PRKCD: variants seen among roughly 807,000 people sequenced by gnomAD.
PRKCD encodes protein kinase C delta type.
A neutral mutation model predicts 82.2 loss-of-function variants in PRKCD; 20 were observed. The ratio of observed to expected loss-of-function variants is 0.24; its 90% CI spans 0.17 to 0.35. The LOEUF is 0.35. PRKCD is among the 10% of genes least tolerant of loss of function. The pLI is 1.00. For missense variants in PRKCD, 607 were observed against 899.0 expected (o/e 0.68, Z 4.15); for synonymous variants, 317 against 337.0 (o/e 0.94, Z 0.65).
intron 1 of PRKCD, among the ~76,000 whole-genome samples, chr3:53,162,622 T>C (rs1702709110): frequency 6.6e-6 from 1 of 152,174 alleles, no homozygotes; most frequent in Non-Finnish European, 1.5e-5. Context: ...TATGTCTGTT[T>C]GTGTCCTGAG....
intron 15 of PRKCD, among the ~76,000 whole-genome samples, chr3:53,187,848 AC>A (rs782117316): frequency 4.6e-5 from 7 of 152,152 alleles, no homozygotes; most frequent in Non-Finnish European, 7.3e-5. Flanking sequence ...TGGAAAAACA[AC>A]CTGTGGGAAA....
chr3:53,162,695 CGTGTGT>C (rs34874901), intron 1 of PRKCD, among the ~76,000 whole-genome samples: 30 of 148,056 alleles, frequency 2.0e-4, no homozygotes, highest in South Asian at 6.6e-4. Context: ...TCACCAGACT[CGTGTGT>C]GTGTGTGTGT....
chr3:53,179,644 C>T lies in PRKCD; in HGVS notation c.183C>T (p.Ala61=), dbSNP rs145203229. 22 of 1,613,974 alleles carry T rather than the reference C, an allele frequency of 1.4e-5. No homozygotes were observed. In the South Asian group the frequency reaches 2.0e-4, roughly 15 times the overall value. The change falls in exon 4 of 19, where the codon GCC becomes GCT. Residue 61 remains alanine, a synonymous_variant. Transcript: ENST00000330452. ...CTGAGTGGAAGTCGACGTTCGATGC[C>T]CACATCTATGAGGGGCGCGTCATCC... ...MYPEWKSTFD[A]HIYEGRVIQI...
intron 2 of PRKCD, among the ~76,000 whole-genome samples, chr3:53,167,968 C>G (rs540474340): frequency 1.3e-5 from 2 of 152,250 alleles, no homozygotes; most frequent in Admixed American, 6.5e-5. Flanking sequence ...CTCTTCTCCC[C>G]CTCACTCCCT....
chr3:53,190,494 A>G (rs1703887164), intron 18 of PRKCD, among the ~76,000 whole-genome samples: 1 of 152,088 alleles, frequency 6.6e-6, no homozygotes, highest in Non-Finnish European at 1.5e-5. Context: ...TGTCAGCAGG[A>G]ACCCAGGTGG....
At chr3:53,186,976 GAC>G (rs1432953648) in intron 14 of PRKCD, among the ~76,000 whole-genome samples, 1 of 152,244 alleles carries the variant, frequency 6.6e-6, no homozygotes, top group East Asian at 1.9e-4. Flanking sequence ...GGTCCTGCAT[GAC>G]ACAGGACACA....
intron 12 of PRKCD, 42 bp from the exon 13 acceptor site, chr3:53,186,125 T>G: frequency 6.2e-7 from 1 of 1,608,594 alleles, no homozygotes; most frequent in Non-Finnish European, 8.5e-7. Flanking sequence ...CTGTGGCCCC[T>G]GCCCCGTCCT....
At chr3:53,190,409 T>A (rs1703884562) in intron 18 of PRKCD, among the ~76,000 whole-genome samples, 1 of 152,008 alleles carries the variant, frequency 6.6e-6, no homozygotes, top group Non-Finnish European at 1.5e-5. Context: ...CTTGCACACC[T>A]ATGACAATTT....
In PRKCD at chr3:53,189,920, C is replaced by A. The variant is rs782819653; in HGVS notation, c.1791C>A (p.Ile597=). The A allele has an allele frequency of 1.9e-6, 3 of 1,614,082 alleles. No homozygotes were observed. The highest frequency in any genetic ancestry group is 1.1e-5 in the South Asian group (1 of 91,082). Residue 597 remains isoleucine (I), a synonymous_variant, in exon 18 of 19, where the codon ATC becomes ATA. Transcript: ENST00000330452. ...AGAGGCTGGGAGTGACCGGAAACAT[C>A]AAAATCCACCCCTTCTTCAAGACCA... is the stretch of plus-strand genomic sequence containing the variant. ...PTKRLGVTGN[I]KIHPFFKTIN...
chr3:53,162,695 C>CGT (rs34874901), intron 1 of PRKCD, among the ~76,000 whole-genome samples: 4,653 of 148,018 alleles, frequency 0.031, 147 homozygotes, highest in African/African-American at 0.076. Context: ...TCACCAGACT[C>CGT]GTGTGTGTGT....
At chr3:53,179,820 C>A (rs62254317) in intron 4 of PRKCD, 44 bp downstream of exon 4, 1 of 439,266 alleles carries the variant, frequency 2.3e-6, no homozygotes, top group South Asian at 3.3e-5. Context: ...GTGTGTGTGT[C>A]TGTGTGTGTG....
chr3:53,169,352 A>G lies in PRKCD; in HGVS notation c.-20+4137A>G, dbSNP rs1702941688. ...CCAGGATTGGGGAGGAGAGGGCTCA[A>G]CAGGCCTTCTAAGGGGTGGGGGAGC... On this transcript the variant is annotated intron_variant, in intron 2 of 18. Transcript: ENST00000330452. The surrounding 1 kb of genome is among the most constrained non-coding windows in gnomAD (Gnocchi z 4.7). Among the ~76,000 whole-genome samples the G allele has an allele frequency of 6.6e-6, 1 of 152,136 alleles. No individual in the cohort carries two copies. Among genetic ancestry groups the G allele is most frequent in the Non-Finnish European group, 1.5e-5 (1 of 68,002 alleles).
At chr3:53,167,455 G>A (rs1201988555) in intron 2 of PRKCD, among the ~76,000 whole-genome samples, 2 of 152,236 alleles carry the variant, frequency 1.3e-5, no homozygotes, top group Non-Finnish European at 2.9e-5. Flanking sequence ...CTTGAGAGAG[G>A]TGATGGCTGG....
At chr3:53,170,670 CCCT>C (rs1476305974) in intron 2 of PRKCD, among the ~76,000 whole-genome samples, 2 of 152,240 alleles carry the variant, frequency 1.3e-5, no homozygotes, top group Admixed American at 6.5e-5. Flanking sequence ...GCCCTTCTGC[CCCT>C]CCTCCATTCC....
At chr3:53,184,075 G>C (rs1299819149) in intron 9 of PRKCD, among the ~76,000 whole-genome samples, 1 of 152,176 alleles carries the variant, frequency 6.6e-6, no homozygotes, top group Non-Finnish European at 1.5e-5. Flanking sequence ...GCTCACGTCT[G>C]TAATCCCAGC....
In PRKCD at chr3:53,181,977, G is replaced by A. The variant is rs781902589; in HGVS notation, c.571+245G>A. ...ACGGGGAGTTGGTGGATGGCAATTG[G>A]GCACAGTAGAGTATTCACGCAGAAA... is the stretch of plus-strand genomic sequence containing the variant. On this transcript the variant is annotated intron_variant, in intron 7 of 18. Transcript: ENST00000330452. 39 of 687,490 alleles carry A rather than the reference G, an allele frequency of 5.7e-5. 1 individual carries two copies. Among genetic ancestry groups the A allele is most frequent in the South Asian group, 5.4e-4 (36 of 66,740 alleles). 42.6% of individuals were successfully genotyped at this position (687,490 alleles called of 1,614,324 possible).
chr3:53,181,782 C>T (rs375241573), intron 7 of PRKCD, 50 bp downstream of exon 7: 25 of 1,613,288 alleles, frequency 1.5e-5, no homozygotes, highest in Middle Eastern at 3.3e-4. Context: ...TGTGTGCTCA[C>T]GTGTGCCAGT....
intron 14 of PRKCD, 77 bp from the exon 15 acceptor site, chr3:53,187,263 T>C (rs1156662257): frequency 1.4e-5 from 21 of 1,486,166 alleles, no homozygotes; most frequent in Non-Finnish European, 2.0e-5. Flanking sequence ...CTCCTGGAAG[T>C]GGGGTTGAGG....
At chr3:53,174,376 C>T (rs968082617) in intron 2 of PRKCD, among the ~76,000 whole-genome samples, 2 of 152,298 alleles carry the variant, frequency 1.3e-5, no homozygotes, top group East Asian at 1.9e-4. Context: ...GGAGCTTGTC[C>T]CCATGGAGGC....
Sources: allele counts gnomAD v4.1 joint callset (sites outside exome capture counted in the v4.1 genomes callset), GRCh38; gene constraint gnomAD v4.1.1; non-coding constraint Gnocchi (gnomAD v3.1); transcripts MANE v1.5; gene names NCBI Gene and HGNC (gene_info 2026-07-23, HGNC 2026-07-21).